PCDHGA2: variants seen among roughly 807,000 people sequenced by gnomAD.
PCDHGA2 encodes protocadherin gamma-A2.
In PCDHGA2, 40 loss-of-function variants were observed where a neutral mutation model predicts 59.2. The ratio of observed to expected loss-of-function variants is 0.68; its 90% CI spans 0.52 to 0.88. The LOEUF (loss-of-function observed/expected upper bound fraction) is 0.88. Ranked by LOEUF, PCDHGA2 falls within the 40% of genes least tolerant of loss-of-function variation. The pLI is 0.00. For synonymous variants in PCDHGA2, 560 were observed against 526.0 expected, an observed-to-expected ratio of 1.06 and a Z score of -0.89; for missense variants, 1,226 against 1,204.0, an observed-to-expected ratio of 1.02 and a Z score of -0.27.
chr5:141,475,384 A>T (rs2099362853), intron 1 of PCDHGA2, among the ~76,000 whole-genome samples: 1 of 152,370 alleles, frequency 6.6e-6, no homozygotes, highest in East Asian at 1.9e-4. Flanking sequence ...TTTAAATTTT[A>T]TAAGCCAGAG....
intron 1 of PCDHGA2, chr5:141,393,052 G>T (rs771952632): frequency 6.2e-7 from 1 of 1,613,614 alleles, no homozygotes; most frequent in Non-Finnish European, 8.5e-7. Context: ...CTGAACCCGC[G>T]CAGCGGCAGC....
In PCDHGA2 at chr5:141,432,068, C is replaced by G. The variant is rs1297096209; in HGVS notation, c.2425-62739C>G. ...AACCCCGCCCCTATCCACGGAAACT[C>G]ATATCTCGCTGAACGTGGCAGACAC... On this transcript the variant is annotated intron_variant, in intron 1 of 3. Transcript: ENST00000394576. The surrounding 1 kb of genome is among the most constrained non-coding windows in gnomAD (Gnocchi z 6.0). 6.2e-7 allele frequency: 1 copy of G among 1,614,210 alleles called. No individual in the cohort carries two copies. The highest frequency in any genetic ancestry group is 1.7e-5 in the Admixed American group (1 of 60,028).
intron 1 of PCDHGA2, chr5:141,427,590 C>A: frequency 1.5e-6 from 1 of 679,008 alleles, no homozygotes; most frequent in Non-Finnish European, 2.7e-6. Flanking sequence ...CAGCACAAGC[C>A]TCACCCTACG....
At chr5:141,398,392 A>AGG in intron 1 of PCDHGA2, 1 of 1,456,392 alleles carries the variant, frequency 6.9e-7, no homozygotes, top group Non-Finnish European at 9.5e-7. Flanking sequence ...TGTGAGCAGC[A>AGG]GGCTAGACAG....
chr5:141,352,691 T>C (rs1268868403), intron 1 of PCDHGA2: 1 of 1,558,116 alleles, frequency 6.4e-7, no homozygotes, highest in East Asian at 2.4e-5. Flanking sequence ...CAAATCTAGT[T>C]AAATTTTATA....
At chr5:141,473,858 C>G (rs569473917) in intron 1 of PCDHGA2, among the ~76,000 whole-genome samples, 1 of 152,286 alleles carries the variant, frequency 6.6e-6, no homozygotes, top group Admixed American at 6.5e-5. Flanking sequence ...ATGAACCTCG[C>G]TATTGTGGAG....
chr5:141,495,818 GTTC>G (rs2099764072), intron 2 of PCDHGA2, among the ~76,000 whole-genome samples: 1 of 151,904 alleles, frequency 6.6e-6, no homozygotes, highest in South Asian at 2.1e-4. Context: ...AGCGCCTTGT[GTTC>G]TTCTATCCCC....
chr5:141,435,181 T>C (rs1249878603), intron 1 of PCDHGA2, among the ~76,000 whole-genome samples: 1 of 152,184 alleles, frequency 6.6e-6, no homozygotes, highest in African/African-American at 2.4e-5. Context: ...TTAACTACAC[T>C]TGAGATGGCT....
chr5:141,449,263 AC>A (rs1308401244), intron 1 of PCDHGA2, among the ~76,000 whole-genome samples: 3 of 152,152 alleles, frequency 2.0e-5, no homozygotes, highest in African/African-American at 7.2e-5. Flanking sequence ...TGTACAAAGA[AC>A]TGTATCTCCT....
rs370432555 is a variant in PCDHGA2 at position 141,388,865 on chromosome 5, G to A, written c.2424+47470G>A. On this transcript the variant is annotated intron_variant, in intron 1 of 3. Transcript: ENST00000394576. Reference sequence around the variant, plus strand: ...CAAGGGACGGTGGAGGAATGATTGCGCAATGCACAGTGGAGGTAGAAGTCA... The same window carrying A: ...CAAGGGACGGTGGAGGAATGATTGCACAATGCACAGTGGAGGTAGAAGTCA... 10 of 1,613,808 alleles carry A rather than the reference G, an allele frequency of 6.2e-6. No homozygotes were observed. In the East Asian group the frequency reaches 6.7e-5, roughly 11 times the overall value.
At chr5:141,414,446 T>C in intron 1 of PCDHGA2, 1 of 1,613,864 alleles carries the variant, frequency 6.2e-7, no homozygotes, top group Non-Finnish European at 8.5e-7. Flanking sequence ...TCTTACAATA[T>C]CACAGTGACA....
intron 1 of PCDHGA2, among the ~76,000 whole-genome samples, chr5:141,488,350 C>G (rs1191478919): frequency 6.6e-6 from 1 of 152,176 alleles, no homozygotes; most frequent in Non-Finnish European, 1.5e-5. Context: ...GAAACAGCCA[C>G]CCTGTGCATC....
intron 1 of PCDHGA2, among the ~76,000 whole-genome samples, chr5:141,463,573 C>T (rs1331124291): frequency 6.6e-6 from 1 of 151,436 alleles, no homozygotes; most frequent in East Asian, 1.9e-4. Flanking sequence ...CTCAGCCTCC[C>T]GAGTAGCTGG....
At chr5:141,388,841 A>G in intron 1 of PCDHGA2, 1 of 1,614,022 alleles carries the variant, frequency 6.2e-7, no homozygotes. Context: ...TTTTGGAAGC[A>G]AGGGACGGTG....
At chr5:141,394,586 G>A in intron 1 of PCDHGA2, 1 of 1,613,888 alleles carries the variant, frequency 6.2e-7, no homozygotes. Context: ...TGACCAAGGT[G>A]GTGGCGGTGG....
Position 141,368,993 on chromosome 5 carries a change from G to A in PCDHGA2, c.2424+27598G>A, listed in dbSNP as rs968608216. Among the ~76,000 whole-genome samples, 4 of 152,098 alleles carry A rather than the reference G, an allele frequency of 2.6e-5. No homozygotes were observed. The East Asian group carries it at 5.8e-4, about 22-fold the overall frequency. Reference sequence around the variant, plus strand: ...TGCTTTTCCACTATAAGGTGAATTCGGTGTGGAACTCATTGCTTATTGCTG... The same window carrying A: ...TGCTTTTCCACTATAAGGTGAATTCAGTGTGGAACTCATTGCTTATTGCTG... On this transcript the variant is annotated intron_variant, in intron 1 of 3. Transcript: ENST00000394576.
intron 1 of PCDHGA2, chr5:141,355,914 T>C: frequency 1.9e-6 from 3 of 1,613,820 alleles, no homozygotes; most frequent in South Asian, 1.1e-5. Flanking sequence ...CCAACGATAA[T>C]GCTCCCGTGT....
In PCDHGA2 at chr5:141,339,235, C is replaced by A. The variant is rs1756818472; in HGVS notation, c.264C>A (p.Asn88Lys). The change falls in exon 1 of 4, where the codon AAC becomes AAA. Residue 88 changes from asparagine (N) to lysine (K), a missense_variant. By Grantham distance (94) the Asn-to-Lys change is moderately conservative (BLOSUM62 0). Transcript: ENST00000394576. ...NPRSGSLVTA[N>K]RIDREELCAQ... Reference sequence around the variant, plus strand: ...GAAGCGGCAGCTTGGTCACTGCGAACAGGATAGACCGGGAGGAGCTCTGCG... The same window carrying A: ...GAAGCGGCAGCTTGGTCACTGCGAAAAGGATAGACCGGGAGGAGCTCTGCG... 1 of 1,614,234 alleles carries A rather than the reference C, an allele frequency of 6.2e-7. No individual in the cohort carries two copies. Among genetic ancestry groups the A allele is most frequent in the Non-Finnish European group, 8.5e-7 (1 of 1,180,034 alleles).
chr5:141,372,093 C>T (rs775337385), intron 1 of PCDHGA2: 1 of 1,613,786 alleles, frequency 6.2e-7, no homozygotes, highest in Admixed American at 1.7e-5. Flanking sequence ...GTACCCAGCT[C>T]TGGGGCCCGA....
Sources: gnomAD v4.1 joint callset for allele counts (sites outside exome capture counted in the v4.1 genomes callset) on GRCh38, gnomAD v4.1.1 for gene constraint, Gnocchi (gnomAD v3.1) non-coding constraint, MANE v1.5 for transcripts, NCBI Gene and HGNC (gene_info 2026-07-23, HGNC 2026-07-21) for gene names.